Variants in TMEM117 observed in about 807,000 individuals in gnomAD.
TMEM117 encodes transmembrane protein 117.
In TMEM117, 27 loss-of-function variants were observed where a neutral mutation model predicts 52.4. The ratio of observed to expected loss-of-function variants is 0.51; its 90% CI spans 0.38 to 0.71. TMEM117 has a LOEUF of 0.71. TMEM117 is among the 30% of genes least tolerant of loss of function. The pLI, the probability that TMEM117 is intolerant of heterozygous loss-of-function variation, is 0.00. For synonymous variants in TMEM117, 215 were observed against 206.3 expected, an observed-to-expected ratio of 1.04 and a Z score of -0.36; for missense variants, 556 against 630.5, an observed-to-expected ratio of 0.88 and a Z score of 1.26.
At chr12:43,865,898 A>T (rs1429498458) in intron 2 of TMEM117, among the ~76,000 whole-genome samples, 1 of 151,860 alleles carries the variant, frequency 6.6e-6, no homozygotes, top group Admixed American at 6.6e-5. Flanking sequence ...TTAGAGGAAG[A>T]TAATAAAACA....
chr12:44,370,078 AC>A (rs1402988786), intron 6 of TMEM117, among the ~76,000 whole-genome samples: 1 of 152,032 alleles, frequency 6.6e-6, no homozygotes, highest in East Asian at 1.9e-4. Context: ...TGATCCCCCA[AC>A]CTTTAAAATC....
chr12:44,306,852 A>G (rs1467102821), intron 6 of TMEM117, among the ~76,000 whole-genome samples: 1 of 152,244 alleles, frequency 6.6e-6, no homozygotes, highest in African/African-American at 2.4e-5. Context: ...ACAGTAATTA[A>G]CTATCTAAAT....
At chr12:44,193,159 T>C (rs1053462826) in intron 4 of TMEM117, among the ~76,000 whole-genome samples, 1 of 152,160 alleles carries the variant, frequency 6.6e-6, no homozygotes, top group Non-Finnish European at 1.5e-5. Context: ...AATTCTCTGT[T>C]AAAACATCTT....
chr12:44,077,451 T>C (rs1317941110), intron 3 of TMEM117, among the ~76,000 whole-genome samples: 1 of 152,190 alleles, frequency 6.6e-6, no homozygotes, highest in Non-Finnish European at 1.5e-5. Flanking sequence ...CTTAGAAACG[T>C]TGAGCTGAAT....
chr12:44,347,534 C>T (rs2138769144), intron 6 of TMEM117, among the ~76,000 whole-genome samples: 1 of 152,168 alleles, frequency 6.6e-6, no homozygotes, highest in African/African-American at 2.4e-5. Flanking sequence ...ATCTTTCATA[C>T]ATGAGCATAG....
At chr12:43,946,378 G>GTTTTTTTTTTTTTTTTTTTTTTTTTT (rs1244597058) in intron 3 of TMEM117, among the ~76,000 whole-genome samples, 1 of 113,494 alleles carries the variant, frequency 8.8e-6, no homozygotes, top group Non-Finnish European at 1.7e-5. Flanking sequence ...ATATAATTCT[G>GTTTTTTTTTTTTTTTTTTTTTTTTTT]TTTTTTTTTT....
At chr12:43,998,299 A>C (rs1946064435) in intron 3 of TMEM117, among the ~76,000 whole-genome samples, 1 of 152,244 alleles carries the variant, frequency 6.6e-6, no homozygotes, top group Non-Finnish European at 1.5e-5. Context: ...CCAGCCAAGA[A>C]TATAACTTTC....
chr12:43,842,887 G>T (rs1046395381), intron 1 of TMEM117, among the ~76,000 whole-genome samples: 1 of 152,122 alleles, frequency 6.6e-6, no homozygotes, highest in Non-Finnish European at 1.5e-5. Context: ...TGCTCTCTAG[G>T]CAAGGAAGGT....
chr12:44,101,217 T>G (rs1250745781), intron 3 of TMEM117, among the ~76,000 whole-genome samples: 1 of 151,462 alleles, frequency 6.6e-6, no homozygotes, highest in Non-Finnish European at 1.5e-5. Flanking sequence ...TGAACATATG[T>G]TGAACATACG....
At chr12:44,164,173 A>G (rs974602807) in intron 4 of TMEM117, among the ~76,000 whole-genome samples, 2 of 152,148 alleles carry the variant, frequency 1.3e-5, no homozygotes, top group Admixed American at 6.5e-5. Context: ...TCAGAAAAAC[A>G]TACTTCTTTT....
At chr12:44,093,860 C>A (rs1947713477) in intron 3 of TMEM117, among the ~76,000 whole-genome samples, 1 of 151,882 alleles carries the variant, frequency 6.6e-6, no homozygotes. Flanking sequence ...AAGAATTCTT[C>A]TGTTTAAAGA....
chr12:44,015,780 G>A (rs1441597005), intron 3 of TMEM117, among the ~76,000 whole-genome samples: 2 of 152,126 alleles, frequency 1.3e-5, no homozygotes, highest in African/African-American at 2.4e-5. Flanking sequence ...ACACAGATTT[G>A]TTTGTTATGT....
the TMEM117 span, among the ~76,000 whole-genome samples, chr12:43,809,574 A>G: frequency 6.6e-6 from 1 of 152,234 alleles, no homozygotes; most frequent in Non-Finnish European, 1.5e-5. Flanking sequence ...TTCAAAATAA[A>G]AGGTCATTTA....
intron 3 of TMEM117, among the ~76,000 whole-genome samples, chr12:44,040,520 T>C (rs533502354): frequency 6.6e-6 from 1 of 152,304 alleles, no homozygotes; most frequent in African/African-American, 2.4e-5. Context: ...AATTTCTTCA[T>C]AATTTGAATA....
intron 2 of TMEM117, among the ~76,000 whole-genome samples, chr12:43,932,586 GT>G (rs1944888868): frequency 5.9e-5 from 9 of 152,108 alleles, no homozygotes; most frequent in Admixed American, 5.9e-4. Context: ...CCTTCAAACT[GT>G]TGTGTGACTA....
Position 44,388,782 on chromosome 12 carries a change from T to A in TMEM117, c.*110T>A. On this transcript the variant is annotated 3_prime_UTR_variant, in exon 8 of 8. Coordinates refer to ENST00000266534, the MANE Select transcript of TMEM117 (RefSeq NM_032256.3). The stretch of plus-strand genomic sequence containing the variant: ...GTTTACGTAGTGTTAGGTAAAAATA[T>A]GAACAATGCCACAACGGTGCTCAAC... 1 of 1,204,852 alleles carries A rather than the reference T, an allele frequency of 8.3e-7. No individual in the cohort carries two copies. Among genetic ancestry groups the A allele is most frequent in the Non-Finnish European group, 1.2e-6 (1 of 859,690 alleles). The allele number at this position is 1,204,852 out of a possible 1,614,324, so 74.6% of individuals were successfully genotyped here.
chr12:43,882,858 G>A (rs547751672), intron 2 of TMEM117, among the ~76,000 whole-genome samples: 1 of 152,176 alleles, frequency 6.6e-6, no homozygotes, highest in South Asian at 2.1e-4. Context: ...GGTGTTTGGA[G>A]GAAAAAAACT....
chr12:44,258,534 GT>G (rs1396594264), intron 5 of TMEM117, among the ~76,000 whole-genome samples: 1 of 152,042 alleles, frequency 6.6e-6, no homozygotes, highest in Non-Finnish European at 1.5e-5. Context: ...TGACATTTCT[GT>G]TATTTAAATT....
chr12:43,973,839 A>C (rs375392554), intron 3 of TMEM117, among the ~76,000 whole-genome samples: 54 of 152,326 alleles, frequency 3.5e-4, no homozygotes, highest in Admixed American at 9.8e-4. Flanking sequence ...GACTATTCCT[A>C]AATCAGGATC....
Sources: gnomAD v4.1 joint callset for allele counts (sites outside exome capture counted in the v4.1 genomes callset) on GRCh38, gnomAD v4.1.1 for gene constraint, MANE v1.5 for transcripts, NCBI Gene and HGNC (gene_info 2026-07-23, HGNC 2026-07-21) for gene names.